Variants in NWD2 observed in about 807,000 individuals in gnomAD.
NWD2 encodes the protein NACHT and WD repeat domain containing 2.
NWD2 carries 37 observed loss-of-function variants against 132.7 expected under a neutral mutation model. The ratio of observed to expected loss-of-function variants is 0.28; its 90% CI spans 0.21 to 0.37. NWD2 has a LOEUF of 0.37. Ranked by LOEUF, NWD2 falls within the 10% of genes least tolerant of loss-of-function variation. NWD2 has a pLI of 1.00. For missense variants in NWD2, 1,592 were observed against 2,122.4 expected, an observed-to-expected ratio of 0.75 and a Z score of 4.91; for synonymous variants, 705 against 803.0, an observed-to-expected ratio of 0.88 and a Z score of 2.06.
chr4:37,286,463 C>T (rs1206387561), intron 1 of NWD2, among the ~76,000 whole-genome samples: 2 of 152,178 alleles, frequency 1.3e-5, no homozygotes, highest in Non-Finnish European at 2.9e-5. Flanking sequence ...ACAAGATACT[C>T]ACTTATATGT....
At chr4:37,401,148 C>T (rs1036384696) in intron 3 of NWD2, among the ~76,000 whole-genome samples, 1 of 152,182 alleles carries the variant, frequency 6.6e-6, no homozygotes, top group Non-Finnish European at 1.5e-5. Context: ...TTTGTATAGC[C>T]ATTTTTCACT....
At chr4:37,410,495 T>G (rs987853241) in intron 3 of NWD2, among the ~76,000 whole-genome samples, 2 of 152,178 alleles carry the variant, frequency 1.3e-5, no homozygotes, top group African/African-American at 4.8e-5. Context: ...ACCAGATTCA[T>G]AAAGCAAGTT....
intron 2 of NWD2, among the ~76,000 whole-genome samples, chr4:37,341,943 T>G (rs1011191882): frequency 6.6e-6 from 1 of 152,082 alleles, no homozygotes; most frequent in Non-Finnish European, 1.5e-5. Context: ...GGAGATACTT[T>G]AGGGAGCTGA....
intron 3 of NWD2, among the ~76,000 whole-genome samples, chr4:37,374,999 A>G (rs1048756652): frequency 2.6e-5 from 4 of 152,240 alleles, no homozygotes; most frequent in African/African-American, 9.6e-5. Context: ...AAATTCATCA[A>G]ACAAAATTGA....
At chr4:37,387,122 C>G (rs1720580324) in intron 3 of NWD2, among the ~76,000 whole-genome samples, 1 of 152,042 alleles carries the variant, frequency 6.6e-6, no homozygotes, top group Non-Finnish European at 1.5e-5. Flanking sequence ...AGCAATAAAC[C>G]AGGACATTAT....
At chr4:37,362,887 G>A (rs893607126) in intron 3 of NWD2, among the ~76,000 whole-genome samples, 1 of 152,018 alleles carries the variant, frequency 6.6e-6, no homozygotes, top group Non-Finnish European at 1.5e-5. Context: ...GTACAGAATG[G>A]GAGAAAATGT....
At chr4:37,317,740 G>A (rs1335454300) in intron 1 of NWD2, among the ~76,000 whole-genome samples, 1 of 152,054 alleles carries the variant, frequency 6.6e-6, no homozygotes, top group East Asian at 1.9e-4. Flanking sequence ...TTGCTTATTG[G>A]GAAGAGAATC....
chr4:37,367,068 T>A (rs1010915515), intron 3 of NWD2, among the ~76,000 whole-genome samples: 1 of 152,192 alleles, frequency 6.6e-6, no homozygotes, highest in African/African-American at 2.4e-5. Flanking sequence ...CAAAGGATGA[T>A]CCATCCATAT....
chr4:37,422,475 A>AT (rs1011794242), intron 3 of NWD2, among the ~76,000 whole-genome samples: 2 of 152,004 alleles, frequency 1.3e-5, no homozygotes, highest in African/African-American at 4.8e-5. Context: ...CTACTTCTGC[A>AT]TTTTTTCCTC....
intron 3 of NWD2, among the ~76,000 whole-genome samples, chr4:37,379,896 C>A (rs908763784): frequency 6.6e-6 from 1 of 152,144 alleles, no homozygotes; most frequent in Admixed American, 6.5e-5. Flanking sequence ...ACTGCTTTAC[C>A]CCGTGTTATC....
intron 1 of NWD2, among the ~76,000 whole-genome samples, chr4:37,253,097 A>G (rs925403272): frequency 2.6e-5 from 4 of 151,798 alleles, no homozygotes; most frequent in Admixed American, 1.3e-4. Context: ...CACTGCAAGT[A>G]TGATAGTAAG....
intron 2 of NWD2, among the ~76,000 whole-genome samples, chr4:37,327,521 T>C (rs1315525780): frequency 6.6e-6 from 1 of 152,152 alleles, no homozygotes; most frequent in African/African-American, 2.4e-5. Flanking sequence ...CCCAGTTCTC[T>C]ACGGGTACTG....
intron 5 of NWD2, among the ~76,000 whole-genome samples, chr4:37,437,621 G>A (rs548857707): frequency 2.0e-5 from 3 of 152,162 alleles, no homozygotes; most frequent in Non-Finnish European, 2.9e-5. Flanking sequence ...ATGAAGGAAA[G>A]GGATGGTGAA....
intron 1 of NWD2, among the ~76,000 whole-genome samples, chr4:37,310,588 CA>C (rs1286775415): frequency 5.0e-5 from 2 of 40,338 alleles, no homozygotes; most frequent in Non-Finnish European, 1.0e-4. Context: ...AGGTGGAAAA[CA>C]TTTGCCTAAT....
chr4:37,380,073 T>C (rs1303679717), intron 3 of NWD2, among the ~76,000 whole-genome samples: 1 of 152,256 alleles, frequency 6.6e-6, no homozygotes, highest in Admixed American at 6.5e-5. Flanking sequence ...TTGCTTCTAG[T>C]GAGTCAAGCA....
At chr4:37,300,914 G>A (rs955459019) in intron 1 of NWD2, among the ~76,000 whole-genome samples, 7 of 152,030 alleles carry the variant, frequency 4.6e-5, no homozygotes, top group African/African-American at 1.7e-4. Flanking sequence ...ATTATTTTAT[G>A]CAGCTAATAC....
intron 2 of NWD2, among the ~76,000 whole-genome samples, chr4:37,336,854 G>A (rs547290623): frequency 1.4e-3 from 209 of 149,578 alleles, no homozygotes; most frequent in African/African-American, 4.7e-3. Flanking sequence ...CAGGAGAATC[G>A]CTTGAAACTG....
chr4:37,391,901 C>G (rs371735561), intron 3 of NWD2, among the ~76,000 whole-genome samples: 1 of 152,120 alleles, frequency 6.6e-6, no homozygotes, highest in African/African-American at 2.4e-5. Flanking sequence ...TAAGTATGTT[C>G]GTTTAATAAA....
At chr4:37,316,445 G>A (rs1718959793) in intron 1 of NWD2, among the ~76,000 whole-genome samples, 3 of 151,952 alleles carry the variant, frequency 2.0e-5, no homozygotes, top group African/African-American at 7.2e-5. Context: ...TTGACTATAT[G>A]TGTCTAAATG....
Sources: allele counts gnomAD v4.1 joint callset (sites outside exome capture counted in the v4.1 genomes callset), GRCh38; gene constraint gnomAD v4.1.1; transcripts MANE v1.5; gene names NCBI Gene and HGNC (gene_info 2026-07-23, HGNC 2026-07-21).